CFAP69: variants seen among roughly 807,000 people sequenced by gnomAD.
CFAP69 encodes cilia and flagella associated protein 69, also known as cilia- and flagella-associated protein 69.
Under a neutral mutation model 123.0 loss-of-function variants are expected in CFAP69, and 92 were observed. That is an observed-to-expected ratio of 0.75 (90% CI 0.63 to 0.89). The LOEUF (loss-of-function observed/expected upper bound fraction) is 0.89. Ranked by LOEUF, CFAP69 falls within the 40% of genes least tolerant of loss-of-function variation. The pLI, the probability that CFAP69 is intolerant of heterozygous loss-of-function variation, is 0.00. For synonymous variants in CFAP69, 380 were observed against 364.3 expected (o/e 1.04, Z -0.49); for missense variants, 1,067 against 1,096.9 (o/e 0.97, Z 0.39).
chr7:90,286,258 G>C, intron 13 of CFAP69, 23 bp from the exon 14 acceptor site: 2 of 1,567,394 alleles, frequency 1.3e-6, no homozygotes, highest in Non-Finnish European at 1.7e-6. Context: ...TAACTATACA[G>C]TCTTTAAATG....
rs1160686792 is a variant in CFAP69, at chr7:90,277,137, C to T, written c.1033+16C>T. 3 of 1,571,572 alleles carry T rather than the reference C, an allele frequency of 1.9e-6. No individual in the cohort carries two copies. Among genetic ancestry groups the T allele is most frequent in the Non-Finnish European group, 1.7e-6 (2 of 1,159,758 alleles). ...TTTAATGAAGGTAAAAAGAATAAAA[C>T]TTTAAACTTCTTATAATTATCTTGA... On this transcript the variant is annotated intron_variant, in intron 10 of 22. Coordinates refer to ENST00000389297, the MANE Select transcript of CFAP69 (RefSeq NM_001039706.3).
intron 12 of CFAP69, among the ~76,000 whole-genome samples, chr7:90,280,556 A>G (rs1392819421): frequency 6.6e-6 from 1 of 152,204 alleles, no homozygotes. Flanking sequence ...ATGACTGCCT[A>G]CTGAGTACTA....
chr7:90,266,078 A>AAATG (rs1384241567), intron 5 of CFAP69: 4 of 152,166 alleles, frequency 2.6e-5, no homozygotes, highest in Non-Finnish European at 4.4e-5. Flanking sequence ...TAAAAGATAC[A>AAATG]CAATTGATCC....
chr7:90,268,051 G>A (rs1221931419), intron 5 of CFAP69, among the ~76,000 whole-genome samples: 1 of 152,152 alleles, frequency 6.6e-6, no homozygotes, highest in African/African-American at 2.4e-5. Flanking sequence ...CCCTAGAAAG[G>A]AGAGGCTGAA....
At chr7:90,306,097 C>T (rs550901939) in intron 19 of CFAP69, among the ~76,000 whole-genome samples, 1 of 128,236 alleles carries the variant, frequency 7.8e-6, no homozygotes, top group South Asian at 2.9e-4. Context: ...TGTGTACCCC[C>T]ATACCCAGCT....
Position 90,271,530 on chromosome 7 carries a change from C to G in CFAP69, c.537C>G (p.Tyr179Ter), listed in dbSNP as rs778798480. ...TTATTAATGAATTGTTGTTAGGTTACCAGCAAGCGAGTTCATCATACAAGA... is the reference window on the plus strand; with the variant it reads ...TTATTAATGAATTGTTGTTAGGTTAGCAGCAAGCGAGTTCATCATACAAGA... ...AEPPKKHIPG[Y>*]QQASSSYKIQ... The change falls in exon 7 of 23, where the codon TAC (tyrosine) becomes TAG (stop). Residue 179 changes from tyrosine (Y) to a stop codon, truncating the protein, a stop_gained. Transcript: ENST00000389297. LOFTEE classifies it high-confidence loss of function. The G allele has an allele frequency of 6.2e-7, 1 of 1,609,738 alleles. No individual in the cohort carries two copies. Among genetic ancestry groups the G allele is most frequent in the East Asian group, 2.2e-5 (1 of 44,838 alleles).
chr7:90,273,377 A>AAT (rs780130322), intron 8 of CFAP69, among the ~76,000 whole-genome samples: 3 of 152,204 alleles, frequency 2.0e-5, no homozygotes, highest in Admixed American at 6.5e-5. Context: ...AAGAACAAAG[A>AAT]ATAGTCTTTA....
chr7:90,250,212 G>GAGAGAT (rs1796822792), intron 1 of CFAP69, among the ~76,000 whole-genome samples: 1 of 151,282 alleles, frequency 6.6e-6, no homozygotes, highest in Non-Finnish European at 1.5e-5. Flanking sequence ...GAGAGAGAGA[G>GAGAGAT]AGAGAGAGAG....
At chr7:90,309,609 C>T (rs928935634) in intron 22 of CFAP69, among the ~76,000 whole-genome samples, 3 of 151,800 alleles carry the variant, frequency 2.0e-5, no homozygotes, top group African/African-American at 7.3e-5. Context: ...ATTTTCATCT[C>T]ACATTTTTTC....
chr7:90,286,213 A>G (rs902318560), intron 13 of CFAP69, 68 bp from the exon 14 acceptor site: 6 of 1,331,072 alleles, frequency 4.5e-6, no homozygotes, highest in South Asian at 1.6e-5. Flanking sequence ...AGAGATTTCC[A>G]AACAGTAATT....
intron 2 of CFAP69, 93 bp downstream of exon 2, chr7:90,255,575 T>C (rs1584317792): frequency 2.1e-6 from 2 of 948,978 alleles, no homozygotes; most frequent in East Asian, 4.9e-5. Context: ...GTAAGTCTCA[T>C]TTATCTCGTT....
intron 2 of CFAP69, 99 bp from the exon 3 acceptor site, chr7:90,257,999 C>A (rs1797854076): frequency 4.7e-5 from 32 of 686,010 alleles, no homozygotes; most frequent in East Asian, 6.2e-5. Context: ...TTAAGAATTA[C>A]TTGATAATTT....
intron 8 of CFAP69, among the ~76,000 whole-genome samples, chr7:90,273,274 G>T (rs1800220776): frequency 6.6e-6 from 1 of 152,162 alleles, no homozygotes; most frequent in East Asian, 1.9e-4. Flanking sequence ...GAAGGAACAG[G>T]CTACAATGGT....
rs370080378 is a variant in CFAP69, at chr7:90,291,187, CAG to C, written c.1775+2838_1775+2839del. 3.9e-4 allele frequency among the ~76,000 whole-genome samples: 60 copies of C among 152,252 alleles called. No homozygotes were observed. The East Asian group carries it at 0.012, about 29-fold the overall frequency. On this transcript the variant is annotated intron_variant, in intron 15 of 22. Transcript: ENST00000389297. ...GATAAAAGAATGGCTACTCCATAAT[CAG>C]AGCAGCCCTGAGGGCTGCTGGTTTC...
In CFAP69 at chr7:90,272,121, A is replaced by G. The variant is rs189243100; in HGVS notation, c.860+163A>G. The G allele has an allele frequency of 2.4e-3, 1,423 of 592,730 alleles. 2 individuals carry two copies. The highest frequency in any genetic ancestry group is 3.4e-3 in the Admixed American group (90 of 26,796). The allele number at this position is 592,730 out of a possible 1,614,324, so 36.7% of individuals were successfully genotyped here. Reference sequence around the variant, plus strand: ...TGTTCCATGGTATAAATGAATCTGCACAATAACAAGCCACACTTTTCTATG... The same window carrying G: ...TGTTCCATGGTATAAATGAATCTGCGCAATAACAAGCCACACTTTTCTATG... On this transcript the variant is annotated intron_variant, in intron 8 of 22. Transcript: ENST00000389297.
intron 1 of CFAP69, among the ~76,000 whole-genome samples, chr7:90,253,977 A>AT (rs1465629209): frequency 6.6e-6 from 1 of 152,062 alleles, no homozygotes; most frequent in Non-Finnish European, 1.5e-5. Flanking sequence ...GGGGTCTTAT[A>AT]TTTAAGTCTT....
Position 90,274,119 on chromosome 7 carries a change from G to T in CFAP69, c.984+9G>T. The T allele has an allele frequency of 1.3e-6, 2 of 1,591,018 alleles. No individual in the cohort carries two copies. The highest frequency in any genetic ancestry group is 2.3e-5 in the East Asian group (1 of 43,794). ...CTGAAGCACCAATGATTGTAAGTAT[G>T]AATCAAATTGCATTAATTTTAATTG... On this transcript the variant is annotated intron_variant, in intron 9 of 22. Transcript: ENST00000389297.
chr7:90,306,485 A>G (rs1793609773), intron 19 of CFAP69, among the ~76,000 whole-genome samples: 1 of 152,174 alleles, frequency 6.6e-6, no homozygotes, highest in Non-Finnish European at 1.5e-5. Context: ...GGTCCTAGTA[A>G]TCCCCATGTT....
intron 14 of CFAP69, among the ~76,000 whole-genome samples, chr7:90,287,100 A>G (rs1201880695): frequency 6.6e-6 from 1 of 151,938 alleles, no homozygotes; most frequent in Non-Finnish European, 1.5e-5. Context: ...AAAAAAAAAA[A>G]AAAAGATAGA....
Sources: gnomAD v4.1 joint callset for allele counts (sites outside exome capture counted in the v4.1 genomes callset) on GRCh38, gnomAD v4.1.1 for gene constraint, MANE v1.5 for transcripts, NCBI Gene and HGNC (gene_info 2026-07-23, HGNC 2026-07-21) for gene names.